Variants in SEMA3C observed in about 807,000 individuals in gnomAD.
The protein encoded by SEMA3C is semaphorin 3C.
SEMA3C carries 47 observed loss-of-function variants against 89.4 expected under a neutral mutation model. That is an observed-to-expected ratio of 0.53 (90% CI 0.42 to 0.67). The LOEUF (loss-of-function observed/expected upper bound fraction) is 0.67, where lower values mean the gene tolerates loss of function less well. SEMA3C is among the 30% of genes least tolerant of loss of function. The pLI, the probability that SEMA3C is intolerant of heterozygous loss-of-function variation, is 0.00. For missense variants in SEMA3C, 839 were observed against 929.1 expected, an observed-to-expected ratio of 0.90 and a Z score of 1.26; for synonymous variants, 310 against 320.2, an observed-to-expected ratio of 0.97 and a Z score of 0.34.
intron 2 of SEMA3C, among the ~76,000 whole-genome samples, chr7:80,914,209 G>C (rs898726535): frequency 1.2e-4 from 18 of 152,216 alleles, no homozygotes; most frequent in African/African-American, 4.3e-4. Context: ...CGAACTAGAA[G>C]TATATGCCAC....
intron 12 of SEMA3C, among the ~76,000 whole-genome samples, chr7:80,779,573 GA>G (rs1301913247): frequency 9.9e-5 from 15 of 152,022 alleles, no homozygotes; most frequent in African/African-American, 2.9e-4. Flanking sequence ...ACCTATAACA[GA>G]AAAAAAGTCT....
rs1399956000 is a variant in SEMA3C at position 80,916,803 on chromosome 7, T to C, written c.-22A>G. ...CCATTTCTTCAGATATGCAAGTTAA[T>C]ATCCAAGGGAAAATACCTTTAAGAG... On this transcript the variant is annotated 5_prime_UTR_variant, in exon 2 of 18. In the 5' UTR this introduces an upstream ATG that the reference lacks. Transcript: ENST00000265361. The C allele has an allele frequency of 1.2e-6, 2 of 1,612,316 alleles. No individual in the cohort carries two copies. Among genetic ancestry groups the C allele is most frequent in the African/African-American group, 1.3e-5 (1 of 74,892 alleles).
chr7:80,778,890 C>G (rs1788627767), intron 12 of SEMA3C, among the ~76,000 whole-genome samples: 1 of 152,156 alleles, frequency 6.6e-6, no homozygotes, highest in Non-Finnish European at 1.5e-5. Flanking sequence ...CTTGTATGAT[C>G]ACTCTCCATT....
At chr7:80,786,019 C>T (rs377607657) in intron 12 of SEMA3C, among the ~76,000 whole-genome samples, 149 of 152,278 alleles carry the variant, frequency 9.8e-4, no homozygotes, top group African/African-American at 3.3e-3. Context: ...AGTGGCTAAG[C>T]GCGCTACCAT....
In SEMA3C at chr7:80,834,984, T is replaced by G. The variant is rs556896709; in HGVS notation, c.104-6239A>C. Among the ~76,000 whole-genome samples, 3 of 152,282 alleles carry G rather than the reference T, an allele frequency of 2.0e-5. No homozygotes were observed. In the South Asian group the frequency reaches 6.2e-4, roughly 32 times the overall value. On this transcript the variant is annotated intron_variant, in intron 2 of 17. Transcript: ENST00000265361. ...TATTTCTCATCAGTGGTTGGCTGAA[T>G]CCATGGATGTGATACCTACAATTCA...
chr7:80,802,820 A>G (rs1284043138), intron 8 of SEMA3C, 41 bp from the exon 9 acceptor site: 1 of 1,444,118 alleles, frequency 6.9e-7, no homozygotes, highest in Non-Finnish European at 9.7e-7. Flanking sequence ...TGCTTAAGTA[A>G]ATATTGAAGC....
intron 2 of SEMA3C, among the ~76,000 whole-genome samples, chr7:80,836,250 C>A (rs1203147355): frequency 6.6e-6 from 1 of 152,184 alleles, no homozygotes; most frequent in South Asian, 2.1e-4. Flanking sequence ...GGCACAGACA[C>A]AGCTTCATGT....
chr7:80,835,896 T>G (rs928784018), intron 2 of SEMA3C, among the ~76,000 whole-genome samples: 2 of 152,178 alleles, frequency 1.3e-5, no homozygotes, highest in African/African-American at 2.4e-5. Flanking sequence ...GATCACACAG[T>G]AAAGACTAAA....
chr7:80,855,893 G>A (rs888086733), intron 2 of SEMA3C, among the ~76,000 whole-genome samples: 17 of 151,948 alleles, frequency 1.1e-4, no homozygotes, highest in Non-Finnish European at 1.9e-4. Context: ...AAAAAATAAC[G>A]TCCCTCAATC....
At position 80,800,747 on chromosome 7, in the gene SEMA3C, G is replaced by C; in HGVS notation, c.986+10C>G. ...GTTTAACTCATAAAATGTAACTGTT[G>C]AATAATTACCTTGATGTTGTAAAAA... is the stretch of plus-strand genomic sequence containing the variant. On this transcript the variant is annotated intron_variant, in intron 10 of 17. Transcript: ENST00000265361. 10 of 1,496,392 alleles carry C rather than the reference G, an allele frequency of 6.7e-6. No individual in the cohort carries two copies. Among genetic ancestry groups the C allele is most frequent in the Non-Finnish European group, 9.0e-6 (10 of 1,107,182 alleles). 92.7% of individuals were successfully genotyped at this position (1,496,392 alleles called of 1,614,324 possible). A position where few individuals can be genotyped will look rare whatever the true frequency, so the allele number is the denominator to read the frequency against.
At chr7:80,810,205 T>C (rs573631157) in intron 6 of SEMA3C, among the ~76,000 whole-genome samples, 2 of 152,136 alleles carry the variant, frequency 1.3e-5, no homozygotes, top group South Asian at 2.1e-4. Flanking sequence ...CCTATAAATA[T>C]ATACAATTAT....
chr7:80,890,305 G>A (rs968605132), intron 2 of SEMA3C, among the ~76,000 whole-genome samples: 1 of 152,106 alleles, frequency 6.6e-6, no homozygotes, highest in Non-Finnish European at 1.5e-5. Context: ...TTCCAATGCT[G>A]CAAGCATTCC....
intron 6 of SEMA3C, among the ~76,000 whole-genome samples, chr7:80,805,967 G>GT (rs1409963341): frequency 6.6e-6 from 1 of 151,816 alleles, no homozygotes; most frequent in East Asian, 1.9e-4. Flanking sequence ...TAATTACTAT[G>GT]TTTTTTAAAA....
chr7:80,787,906 C>T (rs1788840897), intron 12 of SEMA3C, among the ~76,000 whole-genome samples: 1 of 152,076 alleles, frequency 6.6e-6, no homozygotes, highest in Non-Finnish European at 1.5e-5. Flanking sequence ...CAGATATGTC[C>T]AACCCGTGGG....
rs1788880479 is a variant in SEMA3C at position 80,789,372 on chromosome 7, T to C, written c.1288A>G (p.Thr430Ala). The C allele has an allele frequency of 1.2e-6, 2 of 1,614,112 alleles. No homozygotes were observed. Among genetic ancestry groups the C allele is most frequent in the South Asian group, 1.1e-5 (1 of 91,082 alleles). The change falls in exon 12 of 18, where the codon ACA becomes GCA. Residue 430 changes from threonine to alanine, a missense_variant. Thr to Ala is a moderately conservative substitution (Grantham distance 58). Transcript: ENST00000265361. ...TTCACTCGATCCACAGCTATCTTTG[T>C]ATACTTGTAGTCAGTGCCAATACGA... is the stretch of plus-strand genomic sequence containing the variant. ...IVRIGTDYKY[T>A]KIAVDRVNAA...
chr7:80,805,864 T>C (rs957468751), intron 6 of SEMA3C, 106 bp from the exon 7 acceptor site: 2 of 633,782 alleles, frequency 3.2e-6, no homozygotes, highest in Non-Finnish European at 2.5e-6. Flanking sequence ...AGTGTTATGA[T>C]AATTGGTTAT....
intron 2 of SEMA3C, among the ~76,000 whole-genome samples, chr7:80,868,026 A>G (rs1384122535): frequency 6.6e-6 from 1 of 152,212 alleles, no homozygotes; most frequent in Non-Finnish European, 1.5e-5. Context: ...ACTTAATTGT[A>G]TTATGAAATC....
intron 2 of SEMA3C, among the ~76,000 whole-genome samples, chr7:80,876,940 TTCAGGG>T (rs1791216611): frequency 1.3e-5 from 2 of 152,222 alleles, no homozygotes; most frequent in Non-Finnish European, 2.9e-5. Flanking sequence ...GGGAATTGCT[TTCAGGG>T]TCACGCCAAA....
At chr7:80,862,396 A>T (rs1370006131) in intron 2 of SEMA3C, among the ~76,000 whole-genome samples, 1 of 152,156 alleles carries the variant, frequency 6.6e-6, no homozygotes, top group Non-Finnish European at 1.5e-5. Context: ...GAGTCAAAAG[A>T]CCTCTACAAG....
Sources: gnomAD v4.1 joint callset for allele counts (sites outside exome capture counted in the v4.1 genomes callset) on GRCh38, gnomAD v4.1.1 for gene constraint, MANE v1.5 for transcripts, NCBI Gene and HGNC (gene_info 2026-07-23, HGNC 2026-07-21) for gene names.